Variants in INSL6 observed in about 807,000 individuals in gnomAD.
INSL6 encodes the protein insulin like 6, also known as insulin-like peptide INSL6.
A neutral mutation model predicts 9.4 loss-of-function variants in INSL6; 16 were observed. The ratio of observed to expected loss-of-function variants is 1.70; its 90% CI spans 1.15 to 2.59. The LOEUF is 2.59. INSL6 is among the 30% of genes most tolerant of loss of function. The pLI is 0.00. For missense variants in INSL6, 391 were observed against 257.3 expected, an observed-to-expected ratio of 1.52 and a Z score of -3.56; for synonymous variants, 154 against 96.9, an observed-to-expected ratio of 1.59 and a Z score of -3.46.
At chr9:5,094,832 T>C in the INSL6 span, 1 of 152,194 alleles carries the variant, frequency 6.6e-6, no homozygotes, top group Non-Finnish European at 1.5e-5. Context: ...ACCAGAACTC[T>C]GTACCATAAA....
the INSL6 span, among the ~76,000 whole-genome samples, chr9:5,115,144 A>T: frequency 1.3e-5 from 2 of 152,158 alleles, no homozygotes; most frequent in Admixed American, 6.5e-5. Context: ...AGAATGGGAA[A>T]AATTTTTTGC....
At chr9:5,021,001 G>T in the INSL6 span, among the ~76,000 whole-genome samples, 80 of 152,252 alleles carry the variant, frequency 5.3e-4, 1 homozygote, top group African/African-American at 1.8e-3. Flanking sequence ...TCTCCAGGCA[G>T]CTCCCTATGT....
chr9:5,095,192 C>A, the INSL6 span, among the ~76,000 whole-genome samples: 2 of 151,966 alleles, frequency 1.3e-5, no homozygotes, highest in African/African-American at 4.8e-5. Flanking sequence ...TGGGCCCATT[C>A]TCCTGAAAAT....
At chr9:5,045,695 C>T in the INSL6 span, among the ~76,000 whole-genome samples, 51,318 of 152,026 alleles carry the variant, frequency 0.34, 9,232 homozygotes, top group African/African-American at 0.47. Flanking sequence ...TGGCTTATTT[C>T]ACTTAGCATA....
the INSL6 span, among the ~76,000 whole-genome samples, chr9:5,062,535 C>T: frequency 4.1e-5 from 4 of 97,716 alleles, no homozygotes; most frequent in African/African-American, 6.8e-5. Flanking sequence ...AAAAAAAGGT[C>T]ATATCTGCAA....
the INSL6 span, among the ~76,000 whole-genome samples, chr9:5,067,209 G>A: frequency 6.6e-6 from 1 of 151,924 alleles, no homozygotes; most frequent in Non-Finnish European, 1.5e-5. Flanking sequence ...GAGAAAACTA[G>A]GTCAATAACA....
At chr9:5,029,583 A>C in the INSL6 span, among the ~76,000 whole-genome samples, 1 of 152,200 alleles carries the variant, frequency 6.6e-6, no homozygotes, top group Non-Finnish European at 1.5e-5. Context: ...GGGTGCACTA[A>C]AATGAAGTAT....
At chr9:5,146,845 T>G (rs972439188) in intron 2 of INSL6, among the ~76,000 whole-genome samples, 1 of 152,092 alleles carries the variant, frequency 6.6e-6, no homozygotes, top group African/African-American at 2.4e-5. Context: ...TCATTGGAGC[T>G]TTCCACCAGT....
the INSL6 span, among the ~76,000 whole-genome samples, chr9:5,013,961 C>T: frequency 6.6e-5 from 10 of 152,024 alleles, no homozygotes; most frequent in Non-Finnish European, 2.9e-5. Flanking sequence ...GGTCTCTTGG[C>T]TCCCAGGTTA....
intron 2 of INSL6, among the ~76,000 whole-genome samples, chr9:5,152,939 A>C (rs528275924): frequency 6.6e-6 from 1 of 152,182 alleles, no homozygotes; most frequent in South Asian, 2.1e-4. Flanking sequence ...CCCGGGAAGC[A>C]CAAGGGGTCA....
chr9:5,128,245 A>C (rs989984000), intron 3 of INSL6: 6 of 230,798 alleles, frequency 2.6e-5, no homozygotes, highest in African/African-American at 1.3e-4. Flanking sequence ...TTTGGGTTGA[A>C]GGGAAGGAAA....
intron 1 of INSL6, among the ~76,000 whole-genome samples, chr9:5,179,990 C>T (rs1825410357): frequency 6.6e-6 from 1 of 152,104 alleles, no homozygotes; most frequent in Non-Finnish European, 1.5e-5. Context: ...CACATGTACT[C>T]CTGAACTTAG....
chr9:5,112,633 C>T, the INSL6 span: 2 of 990,136 alleles, frequency 2.0e-6, no homozygotes, highest in Admixed American at 2.6e-5. Flanking sequence ...ACCTCAACAG[C>T]GAGAAGCCCC....
downstream of INSL6, among the ~76,000 whole-genome samples, chr9:5,119,401 T>G (rs1470284129): frequency 6.6e-6 from 1 of 152,126 alleles, no homozygotes; most frequent in Non-Finnish European, 1.5e-5. Flanking sequence ...TCATGTATAA[T>G]TTTGTATTCT....
downstream of INSL6, among the ~76,000 whole-genome samples, chr9:5,119,397 A>G (rs977634157): frequency 3.3e-5 from 5 of 152,072 alleles, no homozygotes; most frequent in Non-Finnish European, 5.9e-5. Context: ...ACTTTCATGT[A>G]TAATTTTGTA....
At chr9:5,165,208 C>G (rs1334752173) in intron 1 of INSL6, among the ~76,000 whole-genome samples, 2 of 152,044 alleles carry the variant, frequency 1.3e-5, no homozygotes, top group East Asian at 3.9e-4. Flanking sequence ...AAGACTCCAT[C>G]TCAAAAAACA....
chr9:5,035,909 G>T, the INSL6 span, among the ~76,000 whole-genome samples: 13 of 152,192 alleles, frequency 8.5e-5, no homozygotes, highest in Non-Finnish European at 1.9e-4. Flanking sequence ...GGAAATAAAG[G>T]TTATTTGATT....
the INSL6 span, chr9:5,091,087 G>T: frequency 2.0e-6 from 1 of 488,400 alleles, no homozygotes; most frequent in South Asian, 3.6e-5. Context: ...TAGTCCACGT[G>T]GGAAAATGGC....
At chr9:5,070,538 A>G in the INSL6 span, among the ~76,000 whole-genome samples, 2 of 152,114 alleles carry the variant, frequency 1.3e-5, no homozygotes, top group East Asian at 3.8e-4. Flanking sequence ...TTTGCATCCT[A>G]TGAACACTGT....
Sources: gnomAD v4.1 joint callset for allele counts (sites outside exome capture counted in the v4.1 genomes callset) on GRCh38, gnomAD v4.1.1 for gene constraint, MANE v1.5 for transcripts, NCBI Gene and HGNC (gene_info 2026-07-23, HGNC 2026-07-21) for gene names.